PCDHGA3: variants seen among roughly 807,000 people sequenced by gnomAD.
PCDHGA3 encodes protocadherin gamma subfamily A, 3.
In PCDHGA3, 40 loss-of-function variants were observed where a neutral mutation model predicts 58.5. The observed-to-expected ratio is 0.68, with a 90% confidence interval of 0.53 to 0.89. PCDHGA3 has a LOEUF of 0.89. Among genes scored for constraint, PCDHGA3 ranks in the 40% least tolerant of loss-of-function variants. The pLI, the probability that PCDHGA3 is intolerant of heterozygous loss-of-function variation, is 0.00. For synonymous variants in PCDHGA3, 530 were observed against 525.7 expected (o/e 1.01, Z -0.11); for missense variants, 1,223 against 1,195.9 (o/e 1.02, Z -0.33).
intron 1 of PCDHGA3, among the ~76,000 whole-genome samples, chr5:141,401,290 C>T (rs1460193254): frequency 6.6e-6 from 1 of 151,710 alleles, no homozygotes; most frequent in Non-Finnish European, 1.5e-5. Flanking sequence ...TGCGGTGAGC[C>T]GAGATCACTC....
intron 1 of PCDHGA3, among the ~76,000 whole-genome samples, chr5:141,454,980 T>A (rs1049733405): frequency 9.3e-5 from 14 of 151,310 alleles, no homozygotes; most frequent in African/African-American, 2.4e-4. Context: ...GCTAATTTTT[T>A]AAAAAATATT....
chr5:141,349,205 C>T (rs141929057), intron 1 of PCDHGA3, among the ~76,000 whole-genome samples: 5 of 151,126 alleles, frequency 3.3e-5, no homozygotes, highest in African/African-American at 9.8e-5. Flanking sequence ...GAGTAGCTGG[C>T]GTTACAGGTA....
Position 141,378,904 on chromosome 5 carries a change from T to C in PCDHGA3, c.2424+32447T>C, listed in dbSNP as rs947498432. 2.0e-5 allele frequency: 3 copies of C among 152,224 alleles called. 1 individual carries two copies. Among genetic ancestry groups the C allele is most frequent in the Non-Finnish European group, 4.4e-5 (3 of 68,030 alleles). 9.4% of individuals were successfully genotyped at this position (152,224 alleles called of 1,614,324 possible). A position where few individuals can be genotyped will look rare whatever the true frequency, so the allele number is the denominator to read the frequency against. ...ACTAAGGAGATAGGAGATTCTGTTA[T>C]CGACAGTCTTCAAAAGTAAGTTGAT... On this transcript the variant is annotated intron_variant, in intron 1 of 3. Transcript: ENST00000253812.
At chr5:141,433,951 A>G (rs2097667078) in intron 1 of PCDHGA3, among the ~76,000 whole-genome samples, 1 of 152,032 alleles carries the variant, frequency 6.6e-6, no homozygotes, top group African/African-American at 2.4e-5. Context: ...TGTTTCTTCT[A>G]CAGTTGTTAA....
intron 1 of PCDHGA3, chr5:141,422,905 G>A: frequency 6.2e-7 from 1 of 1,614,260 alleles, no homozygotes; most frequent in South Asian, 1.1e-5. Flanking sequence ...GAACGACAAT[G>A]CGCCCGAGAT....
intron 1 of PCDHGA3, 56 bp downstream of exon 1, chr5:141,346,513 T>C (rs1757765214): frequency 6.2e-7 from 1 of 1,604,798 alleles, no homozygotes; most frequent in African/African-American, 1.3e-5. Flanking sequence ...GTGGTTATTA[T>C]AAAGCTTTAA....
chr5:141,431,536 G>T lies in PCDHGA3; in HGVS notation c.2425-63271G>T. Reference sequence around the variant, plus strand: ...TTCCGGAGAATCTGGCCTTGGGCACGCAGCTGCTTGTAGTCAACGCTACCG... The same window carrying T: ...TTCCGGAGAATCTGGCCTTGGGCACTCAGCTGCTTGTAGTCAACGCTACCG... On this transcript the variant is annotated intron_variant, in intron 1 of 3. Coordinates refer to ENST00000253812, the MANE Select transcript of PCDHGA3 (RefSeq NM_018916.4). The surrounding 1 kb of genome is among the most constrained non-coding windows in gnomAD (Gnocchi z 4.8). 6.2e-7 allele frequency: 1 copy of T among 1,614,068 alleles called. No homozygotes were observed. Among genetic ancestry groups the T allele is most frequent in the Non-Finnish European group, 8.5e-7 (1 of 1,180,022 alleles).
rs372031191 is a variant in PCDHGA3, at chr5:141,395,092, C to T, written c.2424+48635C>T. 3.2e-5 allele frequency: 52 copies of T among 1,614,088 alleles called. No homozygotes were observed. The highest frequency in any genetic ancestry group is 4.2e-5 in the Non-Finnish European group (50 of 1,180,040). On this transcript the variant is annotated intron_variant, in intron 1 of 3. Transcript: ENST00000253812. ...ACCTATTCCCAGGAAGTCTCCCTCA[C>T]CGCCGACTCGCGGAAGAGTCACCTG...
At chr5:141,406,312 C>G (rs2094792276) in intron 1 of PCDHGA3, among the ~76,000 whole-genome samples, 1 of 152,028 alleles carries the variant, frequency 6.6e-6, no homozygotes, top group African/African-American at 2.4e-5. Context: ...CCACCTCACC[C>G]AGCAAATTCT....
intron 1 of PCDHGA3, among the ~76,000 whole-genome samples, chr5:141,469,492 T>C (rs1233507221): frequency 6.6e-6 from 1 of 152,038 alleles, no homozygotes; most frequent in Non-Finnish European, 1.5e-5. Flanking sequence ...GGAGAATCGC[T>C]TGAACCCGGG....
At chr5:141,413,020 C>G in intron 1 of PCDHGA3, 7 of 693,768 alleles carry the variant, frequency 1.0e-5, no homozygotes, top group Non-Finnish European at 1.4e-5. Context: ...CTACACAAGC[C>G]CCACAAACCG....
chr5:141,485,654 G>A lies in PCDHGA3; in HGVS notation c.2425-9153G>A, dbSNP rs2099617203. 6.2e-7 allele frequency: 1 copy of A among 1,612,482 alleles called. No individual in the cohort carries two copies. The highest frequency in any genetic ancestry group is 8.5e-7 in the Non-Finnish European group (1 of 1,178,842). On this transcript the variant is annotated intron_variant, in intron 1 of 3. Coordinates refer to ENST00000253812, the MANE Select transcript of PCDHGA3 (RefSeq NM_018916.4). The surrounding 1 kb of genome is among the most constrained non-coding windows in gnomAD (Gnocchi z 5.7). ...CCCGTTGGAAAAGGCTCAGGATGCA[G>A]ATGTGGGGAGCAATTCGATTAGCAG... is the stretch of plus-strand genomic sequence containing the variant.
intron 1 of PCDHGA3, chr5:141,424,079 C>A: frequency 3.1e-6 from 3 of 973,190 alleles, no homozygotes; most frequent in African/African-American, 1.8e-5. Context: ...TAGTTATATT[C>A]CACCATTATT....
chr5:141,471,925 G>A (rs1371923375), intron 1 of PCDHGA3, among the ~76,000 whole-genome samples: 1 of 152,076 alleles, frequency 6.6e-6, no homozygotes, highest in Non-Finnish European at 1.5e-5. Flanking sequence ...AAATTTTGGG[G>A]GTGATGAGAG....
At chr5:141,394,028 G>A (rs758413971) in intron 1 of PCDHGA3, 1 of 1,613,454 alleles carries the variant, frequency 6.2e-7, no homozygotes, top group Admixed American at 1.7e-5. Flanking sequence ...ATAGATTAGT[G>A]ACAAGGAAAT....
rs749095017 is a variant in PCDHGA3, at chr5:141,489,455, G to A, written c.2425-5352G>A. 1 of 1,614,042 alleles carries A rather than the reference G, an allele frequency of 6.2e-7. No homozygotes were observed. ...CTGCAATTGGGCTCTGAGGAGAATGGGCGCTATTTTTCCCTGAGCTTGATG... is the reference window on the plus strand; with the variant it reads ...CTGCAATTGGGCTCTGAGGAGAATGAGCGCTATTTTTCCCTGAGCTTGATG... On this transcript the variant is annotated intron_variant, in intron 1 of 3. Coordinates refer to ENST00000253812, the MANE Select transcript of PCDHGA3 (RefSeq NM_018916.4). This position sits in a 1 kb window ranked among gnomAD's most constrained non-coding sequence, Gnocchi z 4.5.
chr5:141,389,124 C>A, intron 1 of PCDHGA3: 1 of 1,613,996 alleles, frequency 6.2e-7, no homozygotes, highest in Non-Finnish European at 8.5e-7. Flanking sequence ...CGAGCAGAAT[C>A]CAGAGTACAA....
At chr5:141,417,304 AG>A (rs1315238937) in intron 1 of PCDHGA3, 1 of 152,318 alleles carries the variant, frequency 6.6e-6, no homozygotes, top group East Asian at 1.9e-4. Context: ...CTCTGGATGG[AG>A]GAATTGGATA....
At chr5:141,374,927 G>A (rs754203986) in intron 1 of PCDHGA3, 1 of 1,613,960 alleles carries the variant, frequency 6.2e-7, no homozygotes, top group Non-Finnish European at 8.5e-7. Flanking sequence ...TTATTCCTTT[G>A]TGAAGATTAC....
Sources: allele counts gnomAD v4.1 joint callset (sites outside exome capture counted in the v4.1 genomes callset), GRCh38; gene constraint gnomAD v4.1.1; non-coding constraint Gnocchi (gnomAD v3.1); transcripts MANE v1.5; gene names NCBI Gene and HGNC (gene_info 2026-07-23, HGNC 2026-07-21).